TAFA1: variants seen among roughly 807,000 people sequenced by gnomAD.
The protein encoded by TAFA1 is TAFA chemokine like family member 1, also known as chemokine-like protein TAFA-1.
TAFA1 carries 4 observed loss-of-function variants against 18.5 expected under a neutral mutation model. The ratio of observed to expected loss-of-function variants is 0.22; its 90% CI spans 0.11 to 0.49. The LOEUF is 0.49. Among genes scored for constraint, TAFA1 ranks in the 20% least tolerant of loss-of-function variants. The pLI is 0.98. For missense variants in TAFA1, 147 were observed against 169.0 expected (o/e 0.87, Z 0.72); for synonymous variants, 56 against 55.2 (o/e 1.01, Z -0.06).
At chr3:68,398,190 C>A (rs1372441499) in intron 2 of TAFA1, among the ~76,000 whole-genome samples, 1 of 152,134 alleles carries the variant, frequency 6.6e-6, no homozygotes, top group Non-Finnish European at 1.5e-5. Context: ...GCTAAAGTAA[C>A]CAAAACAGCA....
At chr3:68,198,008 T>C (rs964695370) in intron 2 of TAFA1, among the ~76,000 whole-genome samples, 1 of 151,728 alleles carries the variant, frequency 6.6e-6, no homozygotes, top group Non-Finnish European at 1.5e-5. Flanking sequence ...CATGTAAAAG[T>C]TGTTCAATAA....
chr3:68,042,695 C>T (rs772826802), intron 2 of TAFA1, among the ~76,000 whole-genome samples: 25 of 152,232 alleles, frequency 1.6e-4, no homozygotes, highest in South Asian at 1.0e-3. Context: ...AATAGAGCAC[C>T]AACTATAGCT....
chr3:68,395,984 A>G (rs549653734), intron 2 of TAFA1, among the ~76,000 whole-genome samples: 2 of 152,074 alleles, frequency 1.3e-5, no homozygotes, highest in South Asian at 2.1e-4. Flanking sequence ...ATTCTCCCCA[A>G]TTGTGTTTGA....
intron 2 of TAFA1, among the ~76,000 whole-genome samples, chr3:68,197,779 T>C (rs1400121592): frequency 1.3e-5 from 2 of 151,700 alleles, no homozygotes; most frequent in East Asian, 1.9e-4. Flanking sequence ...GCAAATTCAC[T>C]GGTGAGAAAA....
intron 3 of TAFA1, among the ~76,000 whole-genome samples, chr3:68,493,437 T>C (rs749405014): frequency 6.6e-6 from 1 of 152,232 alleles, no homozygotes; most frequent in Non-Finnish European, 1.5e-5. Context: ...TAAATAATGC[T>C]GCTATGCACA....
At chr3:68,169,984 C>T (rs1355085268) in intron 2 of TAFA1, among the ~76,000 whole-genome samples, 1 of 152,140 alleles carries the variant, frequency 6.6e-6, no homozygotes, top group African/African-American at 2.4e-5. Context: ...AAATCTGCTT[C>T]TCCATAAAGG....
intron 3 of TAFA1, among the ~76,000 whole-genome samples, chr3:68,506,604 G>A (rs2072761652): frequency 6.6e-6 from 1 of 152,130 alleles, no homozygotes; most frequent in Admixed American, 6.6e-5. Flanking sequence ...GTATGCATTT[G>A]TTATGGTCTG....
At chr3:68,279,046 A>C (rs909808149) in intron 2 of TAFA1, among the ~76,000 whole-genome samples, 2 of 152,050 alleles carry the variant, frequency 1.3e-5, no homozygotes, top group Non-Finnish European at 2.9e-5. Context: ...TCATAGACTA[A>C]ATTTGAGTAT....
intron 2 of TAFA1, among the ~76,000 whole-genome samples, chr3:68,386,706 C>A (rs1362452141): frequency 6.6e-6 from 1 of 152,124 alleles, no homozygotes; most frequent in Non-Finnish European, 1.5e-5. Context: ...TAGACTATTG[C>A]TTTCTTTTCT....
At chr3:68,513,357 A>G (rs149249192) in intron 3 of TAFA1, among the ~76,000 whole-genome samples, 1,945 of 152,302 alleles carry the variant, frequency 0.013, 22 homozygotes, top group Non-Finnish European at 0.02. Context: ...TCTATTCTGT[A>G]TCATTCAATA....
chr3:68,542,463 A>T (rs544925113), intron 4 of TAFA1, among the ~76,000 whole-genome samples: 116 of 152,232 alleles, frequency 7.6e-4, no homozygotes, highest in South Asian at 1.7e-3. Context: ...CGTAAGTTTG[A>T]AAGTTGGGGA....
intron 2 of TAFA1, among the ~76,000 whole-genome samples, chr3:68,012,490 C>T (rs1400431845): frequency 1.3e-5 from 2 of 152,048 alleles, no homozygotes; most frequent in African/African-American, 4.8e-5. Flanking sequence ...AAACAAGGAA[C>T]AGAATACTCT....
chr3:68,314,044 A>G (rs1365414243), intron 2 of TAFA1, among the ~76,000 whole-genome samples: 2 of 152,186 alleles, frequency 1.3e-5, no homozygotes, highest in African/African-American at 4.8e-5. Context: ...AAAGGTAAAT[A>G]TCTAAGTATA....
intron 3 of TAFA1, among the ~76,000 whole-genome samples, chr3:68,453,469 G>A (rs961735204): frequency 1.3e-5 from 2 of 152,212 alleles, no homozygotes; most frequent in African/African-American, 4.8e-5. Context: ...GAGGAGGATG[G>A]CATATATATG....
intron 2 of TAFA1, among the ~76,000 whole-genome samples, chr3:68,127,855 GTGGTTGTGGTGATGATTA>G (rs1421225102): frequency 1.3e-3 from 195 of 146,732 alleles, no homozygotes; most frequent in Admixed American, 3.1e-3. Context: ...AGTGGTGGTG[GTGGTTGTGGTGATGATTA>G]TGGTGGTGGT....
chr3:68,318,450 G>C (rs1243536273), intron 2 of TAFA1, among the ~76,000 whole-genome samples: 1 of 152,184 alleles, frequency 6.6e-6, no homozygotes, highest in Admixed American at 6.5e-5. Flanking sequence ...TCAGGTATAA[G>C]GGATCTTTAA....
chr3:68,457,811 A>G (rs934361061), intron 3 of TAFA1, among the ~76,000 whole-genome samples: 1 of 152,168 alleles, frequency 6.6e-6, no homozygotes, highest in Admixed American at 6.6e-5. Flanking sequence ...AGCTCCTGGT[A>G]ACTACCATTC....
At chr3:68,354,067 C>T (rs1395837589) in intron 2 of TAFA1, among the ~76,000 whole-genome samples, 1 of 151,874 alleles carries the variant, frequency 6.6e-6, no homozygotes, top group African/African-American at 2.4e-5. Flanking sequence ...CGAGTTTTGA[C>T]TATAGGGGTT....
At chr3:68,381,580 T>C (rs1460737157) in intron 2 of TAFA1, among the ~76,000 whole-genome samples, 2 of 152,190 alleles carry the variant, frequency 1.3e-5, no homozygotes, top group African/African-American at 4.8e-5. Flanking sequence ...TTGTCTGTTA[T>C]TGTTGTATAA....
Sources: gnomAD v4.1 joint callset for allele counts (sites outside exome capture counted in the v4.1 genomes callset) on GRCh38, gnomAD v4.1.1 for gene constraint, MANE v1.5 for transcripts, NCBI Gene and HGNC (gene_info 2026-07-23, HGNC 2026-07-21) for gene names.